The following RBFOX1 variants were observed in gnomAD, a reference collection of about 807,000 sequenced individuals.
RBFOX1 encodes RNA binding fox-1 homolog 1.
A neutral mutation model predicts 57.7 loss-of-function variants in RBFOX1; 8 were observed. The ratio of observed to expected loss-of-function variants is 0.14; its 90% CI spans 0.08 to 0.25. RBFOX1 has a LOEUF of 0.25. Ranked by LOEUF, RBFOX1 falls within the 10% of genes least tolerant of loss-of-function variation. The pLI, the probability that RBFOX1 is intolerant of heterozygous loss-of-function variation, is 1.00. For synonymous variants in RBFOX1, 326 were observed against 222.4 expected, an observed-to-expected ratio of 1.47 and a Z score of -4.15; for missense variants, 611 against 548.5, an observed-to-expected ratio of 1.11 and a Z score of -1.14.
intron 3 of RBFOX1, among the ~76,000 whole-genome samples, chr16:7,017,123 C>G (rs934028178): frequency 6.6e-6 from 1 of 152,074 alleles, no homozygotes; most frequent in African/African-American, 2.4e-5. Flanking sequence ...CCTGTTCTCT[C>G]TAAATAAAAA....
At chr16:6,236,558 C>G (rs2097506597) in intron 1 of RBFOX1, among the ~76,000 whole-genome samples, 1 of 152,012 alleles carries the variant, frequency 6.6e-6, no homozygotes, top group South Asian at 2.1e-4. Flanking sequence ...CCTCAGTCAC[C>G]CAAGTAGCAG....
intron 3 of RBFOX1, among the ~76,000 whole-genome samples, chr16:6,846,286 G>A (rs111925906): frequency 0.018 from 2,799 of 152,196 alleles, 80 homozygotes; most frequent in African/African-American, 0.063. Flanking sequence ...CCCCAATTCC[G>A]TGTCATCAAG....
chr16:7,266,953 A>G (rs1359811035), intron 4 of RBFOX1, among the ~76,000 whole-genome samples: 1 of 151,902 alleles, frequency 6.6e-6, no homozygotes, highest in Non-Finnish European at 1.5e-5. Flanking sequence ...AGGGAGAGAG[A>G]AGATCATGTT....
chr16:5,345,367 A>C (rs1033108808), intron 1 of RBFOX1, among the ~76,000 whole-genome samples: 1 of 152,152 alleles, frequency 6.6e-6, no homozygotes, highest in African/African-American at 2.4e-5. Flanking sequence ...CCTGAAAACA[A>C]GGTAACACAA....
intron 2 of RBFOX1, among the ~76,000 whole-genome samples, chr16:6,429,995 C>G (rs2094032032): frequency 6.6e-6 from 1 of 152,028 alleles, no homozygotes; most frequent in South Asian, 2.1e-4. Context: ...GTAATCCCAG[C>G]TACTTGGGAG....
At chr16:7,268,609 A>G (rs2095238401) in intron 4 of RBFOX1, among the ~76,000 whole-genome samples, 1 of 152,208 alleles carries the variant, frequency 6.6e-6, no homozygotes. Context: ...TTGGTGGCCA[A>G]GTTGTCTTGT....
chr16:6,857,600 C>T (rs1015438032), intron 3 of RBFOX1, among the ~76,000 whole-genome samples: 1 of 152,176 alleles, frequency 6.6e-6, no homozygotes, highest in African/African-American at 2.4e-5. Flanking sequence ...AGCTCTTTGC[C>T]AAGAACATTA....
At chr16:6,312,000 G>A (rs1007490114) in intron 1 of RBFOX1, among the ~76,000 whole-genome samples, 27 of 152,168 alleles carry the variant, frequency 1.8e-4, no homozygotes, top group African/African-American at 6.0e-4. Flanking sequence ...GGGCTGCTGT[G>A]AGGCTTGGAG....
chr16:6,879,491 T>G (rs574866290), intron 3 of RBFOX1, among the ~76,000 whole-genome samples: 13 of 152,322 alleles, frequency 8.5e-5, no homozygotes, highest in African/African-American at 2.6e-4. Flanking sequence ...CATCATGACC[T>G]TAATTGCAAT....
intron 3 of RBFOX1, among the ~76,000 whole-genome samples, chr16:5,769,272 T>C (rs1410440048): frequency 1.3e-5 from 2 of 151,962 alleles, no homozygotes; most frequent in African/African-American, 4.8e-5. Context: ...AGACAGGGTG[T>C]TTATGGAGCT....
intron 2 of RBFOX1, among the ~76,000 whole-genome samples, chr16:5,546,409 A>T (rs1236583985): frequency 2.6e-5 from 4 of 152,218 alleles, no homozygotes; most frequent in African/African-American, 9.6e-5. Flanking sequence ...ACATGATCTG[A>T]TTTAAAGATT....
intron 1 of RBFOX1, among the ~76,000 whole-genome samples, chr16:6,276,614 A>T (rs1480567950): frequency 6.6e-6 from 1 of 152,172 alleles, no homozygotes; most frequent in East Asian, 1.9e-4. Flanking sequence ...AAGTGCTGGG[A>T]TTACAGGCAT....
intron 3 of RBFOX1, among the ~76,000 whole-genome samples, chr16:6,747,628 C>G (rs145907884): frequency 2.3e-4 from 35 of 152,226 alleles, no homozygotes; most frequent in African/African-American, 5.5e-4. Flanking sequence ...GATATTGTCT[C>G]TTGTATAAAA....
At chr16:7,199,923 A>G (rs1301604973) in intron 4 of RBFOX1, among the ~76,000 whole-genome samples, 1 of 152,124 alleles carries the variant, frequency 6.6e-6, no homozygotes, top group East Asian at 1.9e-4. Context: ...AACAACAACA[A>G]CAACAACAAA....
At chr16:5,288,312 C>G (rs118178625) in intron 1 of RBFOX1, among the ~76,000 whole-genome samples, 13,501 of 152,234 alleles carry the variant, frequency 0.089, 756 homozygotes, top group East Asian at 0.13. Context: ...GGCTGCTGTT[C>G]AATTCCTTTG....
intron 3 of RBFOX1, among the ~76,000 whole-genome samples, chr16:5,852,843 A>G (rs1002941522): frequency 3.9e-5 from 6 of 151,972 alleles, no homozygotes; most frequent in African/African-American, 1.5e-4. Context: ...GGGGAAAAAA[A>G]AGGATTTGGG....
chr16:6,239,967 G>T (rs961349504), intron 1 of RBFOX1, among the ~76,000 whole-genome samples: 11 of 152,152 alleles, frequency 7.2e-5, no homozygotes, highest in African/African-American at 2.4e-4. Flanking sequence ...TGTGGGAGTG[G>T]ATCTCTCAAG....
intron 1 of RBFOX1, among the ~76,000 whole-genome samples, chr16:5,280,375 G>A (rs1229686034): frequency 6.6e-6 from 1 of 152,086 alleles, no homozygotes; most frequent in Admixed American, 6.5e-5. Flanking sequence ...GTGTGTATTC[G>A]GAATATTGGC....
At chr16:5,480,297 A>G (rs992749767) in intron 2 of RBFOX1, among the ~76,000 whole-genome samples, 4 of 152,136 alleles carry the variant, frequency 2.6e-5, no homozygotes, top group East Asian at 1.9e-4. Context: ...CAAGGTCCCA[A>G]AGAGGATGAG....
Sources: gnomAD v4.1 joint callset for allele counts (sites outside exome capture counted in the v4.1 genomes callset) on GRCh38, gnomAD v4.1.1 for gene constraint, MANE v1.5 for transcripts, NCBI Gene and HGNC (gene_info 2026-07-23, HGNC 2026-07-21) for gene names.